The following TNNI3K variants were observed in gnomAD, a reference collection of about 807,000 sequenced individuals.
The protein encoded by TNNI3K is serine/threonine-protein kinase TNNI3K.
TNNI3K carries 140 observed loss-of-function variants against 114.5 expected under a neutral mutation model. The ratio of observed to expected loss-of-function variants is 1.22; its 90% CI spans 1.07 to 1.41. The LOEUF is 1.41. Among genes scored for constraint, TNNI3K ranks in the 40% most tolerant of loss-of-function variants. The pLI, the probability that TNNI3K is intolerant of heterozygous loss-of-function variation, is 0.00. For missense variants in TNNI3K, 1,125 were observed against 1,007.6 expected, an observed-to-expected ratio of 1.12 and a Z score of -1.58; for synonymous variants, 347 against 347.5, an observed-to-expected ratio of 1.00 and a Z score of 0.02.
intron 23 of TNNI3K, among the ~76,000 whole-genome samples, chr1:74,528,509 A>G (rs1646537399): frequency 6.6e-6 from 1 of 152,154 alleles, no homozygotes; most frequent in Admixed American, 6.5e-5. Flanking sequence ...GGGAAAGGGT[A>G]CAACAGCAAT....
intron 21 of TNNI3K, among the ~76,000 whole-genome samples, chr1:74,472,937 A>G (rs1457176120): frequency 2.6e-5 from 4 of 152,174 alleles, no homozygotes; most frequent in African/African-American, 4.8e-5. Flanking sequence ...CATTTACTAA[A>G]GGAAAATAGT....
intron 5 of TNNI3K, among the ~76,000 whole-genome samples, chr1:74,276,337 C>T (rs973002754): frequency 2.6e-5 from 4 of 151,834 alleles, no homozygotes; most frequent in African/African-American, 9.7e-5. Context: ...GGTCATAGGA[C>T]CGAGCCTAAG....
At chr1:74,380,761 T>G (rs561610722) in intron 17 of TNNI3K, among the ~76,000 whole-genome samples, 30 of 152,272 alleles carry the variant, frequency 2.0e-4, no homozygotes, top group Admixed American at 9.2e-4. Context: ...CCTTGTCGAT[T>G]TCCTAAGCAG....
Position 74,249,523 on chromosome 1 carries a change from C to A in TNNI3K, c.214C>A (p.His72Asn), listed in dbSNP as rs769874196. The change falls in exon 3 of 25, where the codon CAT (histidine) becomes AAT (asparagine). Residue 72 changes from histidine (H) to asparagine (N), a missense_variant. His to Asn is a moderately conservative substitution (Grantham distance 68). Coordinates refer to ENST00000326637, the MANE Select transcript of TNNI3K (RefSeq NM_015978.3). ...YRTENGLSLL[H>N]LCCICGGKKS... is the part of the protein sequence containing the mutation. ...CACTGAAAATGGGCTGTCTCTACTT[C>A]ATTTATGTTGCATTTGTGGAGGTGA... 6.2e-7 allele frequency: 1 copy of A among 1,613,384 alleles called. No individual in the cohort carries two copies. Among genetic ancestry groups the A allele is most frequent in the South Asian group, 1.1e-5 (1 of 90,990 alleles).
chr1:74,530,190 C>G (rs1646562744), intron 23 of TNNI3K, among the ~76,000 whole-genome samples: 1 of 152,146 alleles, frequency 6.6e-6, no homozygotes, highest in African/African-American at 2.4e-5. Flanking sequence ...ACACTCATGT[C>G]TGTATTCCTA....
intron 4 of TNNI3K, among the ~76,000 whole-genome samples, chr1:74,254,673 C>G (rs1655163473): frequency 6.6e-6 from 1 of 152,108 alleles, no homozygotes; most frequent in African/African-American, 2.4e-5. Context: ...CTGGGCCTGA[C>G]TCATTGTTAG....
At chr1:74,265,773 G>A (rs1479887240) in intron 4 of TNNI3K, among the ~76,000 whole-genome samples, 1 of 151,440 alleles carries the variant, frequency 6.6e-6, no homozygotes, top group Non-Finnish European at 1.5e-5. Flanking sequence ...AAACTGGACA[G>A]CTCAAAAGGT....
At chr1:74,460,711 A>G (rs1667421395) in intron 20 of TNNI3K, among the ~76,000 whole-genome samples, 1 of 152,236 alleles carries the variant, frequency 6.6e-6, no homozygotes. Context: ...GACAAATTTC[A>G]ATTTCATGAC....
chr1:74,275,034 G>A (rs45447597), intron 5 of TNNI3K, among the ~76,000 whole-genome samples: 13 of 151,998 alleles, frequency 8.6e-5, no homozygotes, highest in African/African-American at 3.1e-4. Context: ...CTGAACCATC[G>A]TAAGTTAGGG....
chr1:74,249,770 A>G (rs1271445092), intron 3 of TNNI3K, among the ~76,000 whole-genome samples: 2 of 152,174 alleles, frequency 1.3e-5, no homozygotes, highest in Non-Finnish European at 2.9e-5. Flanking sequence ...CCGGAAACCA[A>G]GTCCCTCAGT....
At chr1:74,247,894 G>A (rs533347591) in intron 2 of TNNI3K, among the ~76,000 whole-genome samples, 27 of 152,288 alleles carry the variant, frequency 1.8e-4, no homozygotes, top group Admixed American at 4.6e-4. Flanking sequence ...CCCACGCTGC[G>A]TGCCTGCACT....
At chr1:74,438,223 C>G (rs1666224082) in intron 19 of TNNI3K, among the ~76,000 whole-genome samples, 1 of 151,772 alleles carries the variant, frequency 6.6e-6, no homozygotes, top group African/African-American at 2.4e-5. Context: ...TGTACCTGCT[C>G]CCACATATAC....
At chr1:74,291,675 A>T (rs945553432) in intron 5 of TNNI3K, among the ~76,000 whole-genome samples, 7 of 151,556 alleles carry the variant, frequency 4.6e-5, no homozygotes, top group Admixed American at 1.3e-4. Context: ...TGAGTATGCT[A>T]CAGATGCCTT....
intron 23 of TNNI3K, among the ~76,000 whole-genome samples, chr1:74,513,397 T>C (rs1326164296): frequency 6.6e-6 from 1 of 152,222 alleles, no homozygotes; most frequent in Non-Finnish European, 1.5e-5. Flanking sequence ...GAGAACCTGA[T>C]GATGACTGTC....
chr1:74,528,027 G>C (rs2100431588), intron 23 of TNNI3K, among the ~76,000 whole-genome samples: 1 of 152,282 alleles, frequency 6.6e-6, no homozygotes, highest in Admixed American at 6.5e-5. Context: ...TCACGTGGGA[G>C]AGTACCCTGA....
At chr1:74,511,141 G>A (rs1289697068) in intron 23 of TNNI3K, among the ~76,000 whole-genome samples, 3 of 151,522 alleles carry the variant, frequency 2.0e-5, no homozygotes, top group Middle Eastern at 3.2e-3. Context: ...TGATCCATCC[G>A]CCTTGGCCTC....
intron 9 of TNNI3K, among the ~76,000 whole-genome samples, chr1:74,349,980 G>C (rs889225031): frequency 6.6e-6 from 1 of 152,080 alleles, no homozygotes; most frequent in Non-Finnish European, 1.5e-5. Context: ...CTGCAGTTCT[G>C]CTCTGATCTT....
intron 5 of TNNI3K, among the ~76,000 whole-genome samples, chr1:74,289,453 A>G (rs1172174547): frequency 6.6e-6 from 1 of 151,948 alleles, no homozygotes; most frequent in Non-Finnish European, 1.5e-5. Context: ...ATGCCACTCT[A>G]CAAAAAAGAA....
intron 5 of TNNI3K, among the ~76,000 whole-genome samples, chr1:74,294,400 C>A (rs533416118): frequency 7.2e-5 from 11 of 151,980 alleles, no homozygotes; most frequent in Admixed American, 6.5e-4. Context: ...TTGATATTTT[C>A]AGAAGATATG....
Sources: gnomAD v4.1 joint callset for allele counts (sites outside exome capture counted in the v4.1 genomes callset) on GRCh38, gnomAD v4.1.1 for gene constraint, MANE v1.5 for transcripts, NCBI Gene and HGNC (gene_info 2026-07-23, HGNC 2026-07-21) for gene names.